ZAN: variants seen among roughly 807,000 people sequenced by gnomAD.
ZAN encodes the protein zonadhesin.
In ZAN, 260 loss-of-function variants were observed where a neutral mutation model predicts 286.2. The ratio of observed to expected loss-of-function variants is 0.91; its 90% CI spans 0.82 to 1.01. The LOEUF (loss-of-function observed/expected upper bound fraction) is 1.01, where lower values mean the gene tolerates loss of function less well. Ranked by LOEUF, ZAN falls within the 50% of genes least tolerant of loss-of-function variation. The pLI is 0.00. For synonymous variants in ZAN, 1,368 were observed against 1,417.5 expected (o/e 0.97, Z 0.79); for missense variants, 3,410 against 3,639.2 (o/e 0.94, Z 1.62).
chr7:100,789,138 G>C lies in ZAN; in HGVS notation c.7228-80G>C. 1.9e-6 allele frequency: 3 copies of C among 1,544,192 alleles called. No individual in the cohort carries two copies. The South Asian group carries it at 3.7e-5, about 19-fold the overall frequency. Reference sequence around the variant, plus strand: ...CACGGAGACATATGGAGATGACTGGGAAAAGTGAAGCCCAGCCAGGAAATG... The same window carrying C: ...CACGGAGACATATGGAGATGACTGGCAAAAGTGAAGCCCAGCCAGGAAATG... On this transcript the variant is annotated intron_variant, in intron 38 of 47. Transcript: ENST00000613979.
In ZAN at chr7:100,766,646, T is replaced by G; in HGVS notation, c.4592T>G (p.Ile1531Ser). 1 of 1,567,086 alleles carries G rather than the reference T, an allele frequency of 6.4e-7. No individual in the cohort carries two copies. Among genetic ancestry groups the G allele is most frequent in the South Asian group, 1.2e-5 (1 of 84,904 alleles). The change falls in exon 24 of 48, where the codon ATC becomes AGC. Residue 1531 changes from isoleucine (I) to serine (S), a missense_variant. This residue lies in a region of ZAN where 1,042 missense variants were observed against 1,058.0 expected (regional missense o/e 0.98). Transcript: ENST00000613979. Reference sequence around the variant, plus strand: ...GAGTTCTGTGGCCAACAGGATGGTATCTATGGCTGCCATGCCCAAGGTGAG... The same window carrying G: ...GAGTTCTGTGGCCAACAGGATGGTAGCTATGGCTGCCATGCCCAAGGTGAG... ...AQEFCGQQDGIYGCHAQGAAT... is the reference protein window; with the variant it reads ...AQEFCGQQDGSYGCHAQGAAT...
intron 27 of ZAN, among the ~76,000 whole-genome samples, chr7:100,769,059 A>G (rs1404074176): frequency 6.6e-6 from 1 of 150,970 alleles, no homozygotes; most frequent in East Asian, 2.0e-4. Flanking sequence ...CTTCTCCTGT[A>G]TCCCTCTCTC....
At chr7:100,784,597 T>TGACC in intron 35 of ZAN, 26 bp from the exon 36 acceptor site, 1 of 1,611,278 alleles carries the variant, frequency 6.2e-7, no homozygotes, top group Non-Finnish European at 8.5e-7. Flanking sequence ...CCCTCTCCAC[T>TGACC]GACCCACTGT....
Position 100,775,328 on chromosome 7 carries a change from G to A in ZAN, c.5780G>A (p.Gly1927Asp), listed in dbSNP as rs754732235. The A allele has an allele frequency of 6.2e-7, 1 of 1,612,798 alleles. No individual in the cohort carries two copies. The change falls in exon 32 of 48, where the codon GGT becomes GAT. Residue 1927 changes from glycine (G) to aspartate (D), a missense_variant and splice_region_variant. Gly to Asp is a moderately conservative substitution (Grantham distance 94). Around this residue, in one of 7 missense-constraint regions of ZAN, gnomAD observed 1,289 missense variants for 1,314.3 expected, o/e 0.98. Transcript: ENST00000613979. Reference sequence around the variant, plus strand: ...CCCAGCTGTCTCTCTGTCCTCCCAGGTGTGGGAGTGTGTCAGCTCCCAGGG... The same window carrying A: ...CCCAGCTGTCTCTCTGTCCTCCCAGATGTGGGAGTGTGTCAGCTCCCAGGG... ...LDGLLHCRAS[G>D]VGVCQLPGES...
chr7:100,790,459 G>A (rs1811863942), intron 39 of ZAN, among the ~76,000 whole-genome samples: 1 of 151,346 alleles, frequency 6.6e-6, no homozygotes, highest in African/African-American at 2.4e-5. Flanking sequence ...CTACTCGTGA[G>A]GCTGAGGCAG....
intron 41 of ZAN, 93 bp downstream of exon 41, chr7:100,792,241 G>A: frequency 6.7e-7 from 1 of 1,499,332 alleles, no homozygotes. Context: ...CCCAAGCTCT[G>A]TGTGGTTCAC....
chr7:100,784,883 G>A, intron 36 of ZAN, 49 bp downstream of exon 36: 1 of 1,502,556 alleles, frequency 6.7e-7, no homozygotes, highest in South Asian at 1.3e-5. Flanking sequence ...CTTGAGGGCA[G>A]TGCTTTCTCC....
At chr7:100,764,234 G>A in intron 22 of ZAN, 38 bp downstream of exon 22, 2 of 1,474,496 alleles carry the variant, frequency 1.4e-6, no homozygotes, top group Non-Finnish European at 1.8e-6. Context: ...GCCGGGCACG[G>A]TGGCTCACAC....
In ZAN at chr7:100,794,038, G is replaced by A. The variant is rs1562960385; in HGVS notation, c.7986+20G>A. 1 of 1,612,570 alleles carries A rather than the reference G, an allele frequency of 6.2e-7. No individual in the cohort carries two copies. The highest frequency in any genetic ancestry group is 8.5e-7 in the Non-Finnish European group (1 of 1,179,300). ...TACCAGGTCTGAGCTGGCAGCAGGA[G>A]GCCCTGGGGAGCAGAGGCGCCAAGG... is the stretch of plus-strand genomic sequence containing the variant. On this transcript the variant is annotated intron_variant, in intron 43 of 47. Transcript: ENST00000613979.
chr7:100,750,166 C>G (rs951885313), intron 11 of ZAN, among the ~76,000 whole-genome samples: 7 of 150,092 alleles, frequency 4.7e-5, no homozygotes, highest in African/African-American at 1.7e-4. Context: ...GAGATGGAGT[C>G]TTGCTCTGTT....
At position 100,765,545 on chromosome 7, in the gene ZAN, C is replaced by T; in HGVS notation, c.4461C>T (p.Ser1487=). 3 of 1,604,094 alleles carry T rather than the reference C, an allele frequency of 1.9e-6. No homozygotes were observed. The East Asian group carries it at 6.8e-5, about 36-fold the overall frequency. ...SQCGCLHPAG[S]YFKVGERWYK... ...GTGGGTGCCTCCACCCTGCAGGCAGCTACTTCAAGGTGAGCGGCTGCGTGG... is the reference window on the plus strand; with the variant it reads ...GTGGGTGCCTCCACCCTGCAGGCAGTTACTTCAAGGTGAGCGGCTGCGTGG... Residue 1487 remains serine, a synonymous_variant, in exon 23 of 48, where the codon AGC becomes AGT. Coordinates refer to ENST00000613979, the MANE Select transcript of ZAN (RefSeq NM_003386.3).
At chr7:100,785,222 CCT>C (rs1491337639) in intron 36 of ZAN, among the ~76,000 whole-genome samples, 60 of 118,504 alleles carry the variant, frequency 5.1e-4, no homozygotes, top group Admixed American at 1.0e-3. Flanking sequence ...AAACACAGTG[CCT>C]TTTTTTTTTT....
chr7:100,753,186 C>T lies in ZAN; in HGVS notation c.3081C>T (p.Thr1027=). 6.2e-7 allele frequency: 1 copy of T among 1,609,552 alleles called. No homozygotes were observed. The highest frequency in any genetic ancestry group is 8.5e-7 in the Non-Finnish European group (1 of 1,177,698). ...MSPHAPSTPM[T]SVILGTTTTS... is the part of the protein sequence containing the mutation. ...CACATGCTCCAAGTACCCCTATGACCAGTGTGATTCTGGGCACTACCACAA... is the reference window on the plus strand; with the variant it reads ...CACATGCTCCAAGTACCCCTATGACTAGTGTGATTCTGGGCACTACCACAA... The change falls in exon 14 of 48, where the codon ACC becomes ACT. Residue 1027 remains threonine, a synonymous_variant. Coordinates refer to ENST00000613979, the MANE Select transcript of ZAN (RefSeq NM_003386.3).
intron 40 of ZAN, 80 bp from the exon 41 acceptor site, chr7:100,791,886 C>A: frequency 6.8e-7 from 1 of 1,471,826 alleles, no homozygotes; most frequent in Non-Finnish European, 9.1e-7. Context: ...CACCACCATG[C>A]CCGGCTAATC....
intron 23 of ZAN, 57 bp downstream of exon 23, chr7:100,765,611 C>G: frequency 6.6e-7 from 1 of 1,509,208 alleles, no homozygotes; most frequent in Non-Finnish European, 9.0e-7. Context: ...GCTCCCTGCT[C>G]TCACACCCCC....
intron 23 of ZAN, 43 bp from the exon 24 acceptor site, chr7:100,766,482 C>CAA (rs11296431): frequency 1.3e-6 from 2 of 1,519,370 alleles, no homozygotes; most frequent in East Asian, 2.5e-5. Context: ...CAAAACAAAG[C>CAA]AAAAAAAAAC....
At position 100,790,924 on chromosome 7, in the gene ZAN, A is replaced by AC. The variant is rs779220424; in HGVS notation, c.7358-13dup. 1.3e-6 allele frequency: 2 copies of AC among 1,551,426 alleles called. No homozygotes were observed. The highest frequency in any genetic ancestry group is 1.2e-5 in the South Asian group (1 of 86,092). On this transcript the variant is annotated splice_polypyrimidine_tract_variant and intron_variant, in intron 39 of 47. Transcript: ENST00000613979. ...AGAGTGAGGAGTCTCACTTCTGGGG[A>AC]CCCCCTTCCTCCCGCAGTGATCTCC... is the stretch of plus-strand genomic sequence containing the variant.
chr7:100,797,653 C>T (rs771010434), intron 47 of ZAN, 30 bp downstream of exon 47: 40 of 1,613,896 alleles, frequency 2.5e-5, no homozygotes, highest in Non-Finnish European at 2.7e-5. Context: ...CCCGGAACCT[C>T]GGGGCCTAGA....
chr7:100,743,010 C>T lies in ZAN; in HGVS notation c.767-3528C>T, dbSNP rs1387045887. 7.0e-5 allele frequency among the ~76,000 whole-genome samples: 9 copies of T among 129,046 alleles called. 1 individual carries two copies. Among genetic ancestry groups the T allele is most frequent in the East Asian group, 4.3e-4 (2 of 4,650 alleles). The allele number at this position is 129,046 out of a possible 152,430, so 84.7% of individuals were successfully genotyped here. ...TAGGAGGCTTTTGCAAAAATCCAGG[C>T]GACACTCTTTCTTTTTCTTTCTTTT... On this transcript the variant is annotated intron_variant, in intron 7 of 47. Coordinates refer to ENST00000613979, the MANE Select transcript of ZAN (RefSeq NM_003386.3).
Sources: allele counts gnomAD v4.1 joint callset (sites outside exome capture counted in the v4.1 genomes callset), GRCh38; gene constraint gnomAD v4.1.1; regional missense constraint gnomAD v4.1.1; transcripts MANE v1.5; gene names NCBI Gene and HGNC (gene_info 2026-07-23, HGNC 2026-07-21).